The following POU6F2 variants were observed in gnomAD, a reference collection of about 807,000 sequenced individuals.
The protein encoded by POU6F2 is POU domain, class 6, transcription factor 2.
POU6F2 carries 31 observed loss-of-function variants against 71.3 expected under a neutral mutation model. The ratio of observed to expected loss-of-function variants is 0.43; its 90% CI spans 0.33 to 0.59. The LOEUF (loss-of-function observed/expected upper bound fraction) is 0.59. POU6F2 is among the 20% of genes least tolerant of loss of function. The probability of loss-of-function intolerance (pLI) is 0.04; values close to 1 mark genes in which losing one functional copy is unlikely to be tolerated. For missense variants in POU6F2, 783 were observed against 856.8 expected, an observed-to-expected ratio of 0.91 and a Z score of 1.07; for synonymous variants, 347 against 355.7, an observed-to-expected ratio of 0.98 and a Z score of 0.27.
At chr7:39,019,649 C>CTTTTTTTTTTT (rs70977448) in intron 1 of POU6F2, among the ~76,000 whole-genome samples, 1 of 137,794 alleles carries the variant, frequency 7.3e-6, no homozygotes. Context: ...TTTCTTTTTT[C>CTTTTTTTTTTT]TTTTTTTTTT....
At chr7:39,214,717 G>T (rs544063648) in intron 4 of POU6F2, among the ~76,000 whole-genome samples, 1 of 152,286 alleles carries the variant, frequency 6.6e-6, no homozygotes, top group Non-Finnish European at 1.5e-5. Flanking sequence ...AAGACTAAGA[G>T]TCCAGTAAAG....
intron 7 of POU6F2, among the ~76,000 whole-genome samples, chr7:39,433,504 T>C (rs987381432): frequency 6.6e-6 from 1 of 152,200 alleles, no homozygotes; most frequent in African/African-American, 2.4e-5. Context: ...TAAGAATATA[T>C]TAAATTACAA....
chr7:39,322,552 T>C (rs1365296131), intron 4 of POU6F2, among the ~76,000 whole-genome samples: 1 of 152,218 alleles, frequency 6.6e-6, no homozygotes, highest in Non-Finnish European at 1.5e-5. Flanking sequence ...AGATAACCTT[T>C]CAGGGCTCTC....
intron 1 of POU6F2, among the ~76,000 whole-genome samples, chr7:38,996,929 C>G (rs1788757399): frequency 6.6e-6 from 1 of 152,168 alleles, no homozygotes; most frequent in South Asian, 2.1e-4. Flanking sequence ...ATCTCTTTAT[C>G]CAGTCTTGCT....
At chr7:39,234,490 A>T (rs1794636685) in intron 4 of POU6F2, among the ~76,000 whole-genome samples, 1 of 149,746 alleles carries the variant, frequency 6.7e-6, no homozygotes, top group Admixed American at 6.7e-5. Context: ...GGATTTAGTG[A>T]TTTTTTTTTT....
chr7:39,307,401 C>T (rs1026704810), intron 4 of POU6F2, among the ~76,000 whole-genome samples: 1 of 152,076 alleles, frequency 6.6e-6, no homozygotes, highest in African/African-American at 2.4e-5. Context: ...CCATAAACAT[C>T]ACAAAATTCA....
At chr7:38,994,034 C>T (rs188901778) in intron 1 of POU6F2, among the ~76,000 whole-genome samples, 16 of 152,196 alleles carry the variant, frequency 1.1e-4, no homozygotes, top group African/African-American at 3.6e-4. Flanking sequence ...AAAGGCGAAC[C>T]CGTCAATTTT....
chr7:39,101,263 G>A (rs572335174), intron 2 of POU6F2, among the ~76,000 whole-genome samples: 5 of 151,824 alleles, frequency 3.3e-5, no homozygotes, highest in East Asian at 1.9e-4. Context: ...TGGTAGAGAC[G>A]GGGTTTCGCC....
At chr7:39,308,780 G>A (rs558490083) in intron 4 of POU6F2, among the ~76,000 whole-genome samples, 4 of 152,090 alleles carry the variant, frequency 2.6e-5, no homozygotes, top group African/African-American at 4.8e-5. Context: ...GGAAGTGGGC[G>A]CCCTGTGCCA....
At chr7:39,283,948 C>T (rs529446863) in intron 4 of POU6F2, among the ~76,000 whole-genome samples, 11 of 152,196 alleles carry the variant, frequency 7.2e-5, no homozygotes, top group South Asian at 2.1e-4. Context: ...AGGATGCAAA[C>T]GCTTAAACCA....
chr7:39,102,089 C>T (rs1462430740), intron 2 of POU6F2, among the ~76,000 whole-genome samples: 1 of 152,128 alleles, frequency 6.6e-6, no homozygotes, highest in Non-Finnish European at 1.5e-5. Flanking sequence ...ATCATCAGAG[C>T]AGTACATTGT....
intron 5 of POU6F2, among the ~76,000 whole-genome samples, chr7:39,392,620 A>C (rs1787095833): frequency 6.6e-6 from 1 of 152,184 alleles, no homozygotes; most frequent in Non-Finnish European, 1.5e-5. Flanking sequence ...ACTCTGTAAC[A>C]CACATCCCTA....
intron 1 of POU6F2, among the ~76,000 whole-genome samples, chr7:39,026,828 A>G (rs1050823835): frequency 8.5e-5 from 13 of 152,104 alleles, no homozygotes; most frequent in African/African-American, 3.1e-4. Flanking sequence ...ATAGTCCCAG[A>G]AAAGATAGGC....
At chr7:39,459,738 A>G (rs568528488) in intron 8 of POU6F2, among the ~76,000 whole-genome samples, 31 of 152,194 alleles carry the variant, frequency 2.0e-4, no homozygotes, top group African/African-American at 7.5e-4. Flanking sequence ...TCCCCAACCC[A>G]TGCTGTCTCC....
intron 4 of POU6F2, among the ~76,000 whole-genome samples, chr7:39,254,873 C>T (rs73126482): frequency 0.058 from 8,854 of 152,264 alleles, 360 homozygotes; most frequent in Admixed American, 0.11. Context: ...TTTAGGGCCG[C>T]AGCAGCAGCG....
At chr7:39,218,947 T>G (rs1794296129) in intron 4 of POU6F2, among the ~76,000 whole-genome samples, 1 of 151,930 alleles carries the variant, frequency 6.6e-6, no homozygotes, top group African/African-American at 2.4e-5. Context: ...TGACTGAAGC[T>G]AGGGAGGGAA....
intron 5 of POU6F2, among the ~76,000 whole-genome samples, chr7:39,350,096 G>A (rs921536761): frequency 3.3e-5 from 5 of 152,172 alleles, no homozygotes; most frequent in African/African-American, 7.2e-5. Flanking sequence ...CTTCCAGCCC[G>A]TTTTGTCTGA....
intron 6 of POU6F2, among the ~76,000 whole-genome samples, chr7:39,420,915 A>G (rs1416444622): frequency 6.6e-6 from 1 of 152,192 alleles, no homozygotes; most frequent in African/African-American, 2.4e-5. Flanking sequence ...AAATCATTAC[A>G]TTTATCGATT....
chr7:39,100,929 C>T (rs1562706115), intron 2 of POU6F2, among the ~76,000 whole-genome samples: 1 of 152,104 alleles, frequency 6.6e-6, no homozygotes, highest in Non-Finnish European at 1.5e-5. Flanking sequence ...TGAAAATCCA[C>T]ATCTTCATTC....
Sources: gnomAD v4.1 joint callset for allele counts (sites outside exome capture counted in the v4.1 genomes callset) on GRCh38, gnomAD v4.1.1 for gene constraint, MANE v1.5 for transcripts, NCBI Gene and HGNC (gene_info 2026-07-23, HGNC 2026-07-21) for gene names.